Variants in ATG2B observed in about 807,000 individuals in gnomAD.
The protein encoded by ATG2B is autophagy-related protein 2 homolog B.
Under a neutral mutation model 241.3 loss-of-function variants are expected in ATG2B, and 121 were observed. The observed-to-expected ratio is 0.50, with a 90% CI of 0.43 to 0.58. The LOEUF (loss-of-function observed/expected upper bound fraction) is 0.58. Among genes scored for constraint, ATG2B ranks in the 20% least tolerant of loss-of-function variants. The pLI is 0.00. For missense variants in ATG2B, 2,306 were observed against 2,491.6 expected (o/e 0.93, Z 1.59); for synonymous variants, 858 against 876.6 (o/e 0.98, Z 0.37).
Position 96,295,120 on chromosome 14 carries a change from A to G in ATG2B, c.5266T>C (p.Leu1756=), listed in dbSNP as rs748293531. The change falls in exon 36 of 42, where the codon TTG becomes CTG. Residue 1756 remains leucine, a synonymous_variant. Transcript: ENST00000359933. ...AGATTTGGCTCCTTTGAGGTACTCAAATGCCTTGGCAAACTGCAGGTGACA... is the reference window on the plus strand; with the variant it reads ...AGATTTGGCTCCTTTGAGGTACTCAGATGCCTTGGCAAACTGCAGGTGACA... The part of the protein sequence containing the change: ...ADVTCSLPRH[L]STSKEPNLVI... 1 of 1,614,228 alleles carries G rather than the reference A, an allele frequency of 6.2e-7. No homozygotes were observed. The highest frequency in any genetic ancestry group is 8.5e-7 in the Non-Finnish European group (1 of 1,180,032).
intron 6 of ATG2B, among the ~76,000 whole-genome samples, chr14:96,340,150 T>TATATATATCATATATGATATATATATTC (rs1887990956): frequency 3.6e-5 from 2 of 55,906 alleles, no homozygotes; most frequent in African/African-American, 1.8e-4. Flanking sequence ...TATATATGAA[T>TATATATATCATATATGATATATATATTC]ATATATATCA....
intron 6 of ATG2B, among the ~76,000 whole-genome samples, chr14:96,337,460 A>G (rs1234628048): frequency 6.6e-6 from 1 of 152,202 alleles, no homozygotes; most frequent in Non-Finnish European, 1.5e-5. Flanking sequence ...AAGCTATGAG[A>G]AGGAGAACCC....
At chr14:96,322,515 C>T (rs949332126) in intron 17 of ATG2B, 25 bp downstream of exon 17, 3 of 1,588,572 alleles carry the variant, frequency 1.9e-6, no homozygotes, top group Non-Finnish European at 2.6e-6. Flanking sequence ...AGTATTATTC[C>T]TTTGTAGCTT....
chr14:96,332,697 C>A, intron 8 of ATG2B, 42 bp from the exon 9 acceptor site: 1 of 1,453,658 alleles, frequency 6.9e-7, no homozygotes, highest in Non-Finnish European at 9.2e-7. Flanking sequence ...ATAATCCCAC[C>A]AATTCAAGTC....
rs2139919625 is a variant in ATG2B at position 96,363,195 on chromosome 14, C to T, written c.-219G>A. 1.8e-6 allele frequency: 1 copy of T among 546,740 alleles called. No homozygotes were observed. Among genetic ancestry groups the T allele is most frequent in the African/African-American group, 2.0e-5 (1 of 50,878 alleles). 33.9% of individuals were successfully genotyped at this position (546,740 alleles called of 1,614,324 possible). On this transcript the variant is annotated 5_prime_UTR_variant, in exon 1 of 42. Coordinates refer to ENST00000359933, the MANE Select transcript of ATG2B (RefSeq NM_018036.7). ...AGACGCAGAGGGGTCCTCCTGGCCC[C>T]AGGCCAGGGGACTTCCGAGGAGGGT... is the stretch of plus-strand genomic sequence containing the variant.
Position 96,363,095 on chromosome 14 carries a change from T to C in ATG2B, c.-119A>G. 8.5e-7 allele frequency: 1 copy of C among 1,181,850 alleles called. No homozygotes were observed. Among genetic ancestry groups the C allele is most frequent in the Non-Finnish European group, 1.2e-6 (1 of 811,200 alleles). The allele number at this position is 1,181,850 out of a possible 1,614,324, so 73.2% of individuals were successfully genotyped here. ...AAGCCTGGGGCGGCCCCTCCATCCC[T>C]ATTTGGTGCCGGGAGTCCCTCAGGG... On this transcript the variant is annotated 5_prime_UTR_variant, in exon 1 of 42. In the 5' UTR this introduces an upstream ATG that the reference lacks. Coordinates refer to ENST00000359933, the MANE Select transcript of ATG2B (RefSeq NM_018036.7).
At chr14:96,311,025 T>C in intron 28 of ATG2B, 92 bp downstream of exon 28, 3 of 1,180,740 alleles carry the variant, frequency 2.5e-6, no homozygotes, top group South Asian at 4.7e-5. Context: ...TTTCAAAGTT[T>C]CTTTTCTACC....
intron 8 of ATG2B, 95 bp downstream of exon 8, chr14:96,333,593 A>G: frequency 1.7e-6 from 2 of 1,159,092 alleles, no homozygotes; most frequent in Non-Finnish European, 2.4e-6. Context: ...TTGTTCTTTC[A>G]TTCCTAAACT....
At position 96,284,033 on chromosome 14, in the gene ATG2B, G is replaced by A. The variant is rs1252211756; in HGVS notation, c.*1722C>T. 1 of 152,234 alleles carries A rather than the reference G, an allele frequency of 6.6e-6. No homozygotes were observed. The highest frequency in any genetic ancestry group is 1.5e-5 in the Non-Finnish European group (1 of 68,044). The allele number at this position is 152,234 out of a possible 1,614,324, so 9.4% of individuals were successfully genotyped here. A position where few individuals can be genotyped will look rare whatever the true frequency, so the allele number is the denominator to read the frequency against. On this transcript the variant is annotated 3_prime_UTR_variant, in exon 42 of 42. Coordinates refer to ENST00000359933, the MANE Select transcript of ATG2B (RefSeq NM_018036.7). ...GGAAAGTATATTTAAAAGTTAGACA[G>A]ATTTTACAATTTTAAGTTTGATCAA...
intron 27 of ATG2B, 75 bp from the exon 28 acceptor site, chr14:96,311,362 C>A (rs1311089180): frequency 7.2e-7 from 1 of 1,388,394 alleles, no homozygotes. Flanking sequence ...CATAGATTTA[C>A]ATTAAATAAG....
chr14:96,311,499 T>A (rs914639394), intron 27 of ATG2B, 43 bp downstream of exon 27: 7 of 1,494,464 alleles, frequency 4.7e-6, no homozygotes, highest in African/African-American at 1.4e-5. Context: ...TTTAATCTCT[T>A]AAAAAATAGA....
rs772238901 is a variant in ATG2B at position 96,341,560 on chromosome 14, G to A, written c.886C>T (p.Leu296Phe). The change falls in exon 6 of 42, where the codon CTC becomes TTC. Residue 296 changes from leucine (L) to phenylalanine (F), a missense_variant. By Grantham distance (22) the Leu-to-Phe change is conservative. Coordinates refer to ENST00000359933, the MANE Select transcript of ATG2B (RefSeq NM_018036.7). The part of the protein sequence containing the change: ...GRLIGRLELS[L>F]TLKQNEVLPG... ...AGCACTTCATTCTGTTTCAACGTGAGACTCAACTCCAACCTACCAATTAAC... is the reference window on the plus strand; with the variant it reads ...AGCACTTCATTCTGTTTCAACGTGAAACTCAACTCCAACCTACCAATTAAC... The A allele has an allele frequency of 1.2e-6, 2 of 1,601,664 alleles. No individual in the cohort carries two copies. Among genetic ancestry groups the A allele is most frequent in the African/African-American group, 1.3e-5 (1 of 74,590 alleles).
At chr14:96,313,528 C>A in intron 23 of ATG2B, 93 bp from the exon 24 acceptor site, 2 of 515,764 alleles carry the variant, frequency 3.9e-6, no homozygotes, top group Non-Finnish European at 6.7e-6. Context: ...GAATATCTCA[C>A]AGAAAAAATC....
intron 4 of ATG2B, 88 bp downstream of exon 4, chr14:96,344,566 T>A (rs1461008316): frequency 5.3e-6 from 3 of 568,300 alleles, no homozygotes; most frequent in Non-Finnish European, 6.1e-6. Context: ...TATTTTCATA[T>A]CATTAGCTCT....
intron 30 of ATG2B, 61 bp from the exon 31 acceptor site, chr14:96,305,876 T>G: frequency 7.6e-7 from 1 of 1,310,664 alleles, no homozygotes; most frequent in East Asian, 2.3e-5. Context: ...CTGATTATGC[T>G]GCACATCTCA....
chr14:96,359,271 G>A (rs1888561302), intron 1 of ATG2B, among the ~76,000 whole-genome samples: 1 of 152,020 alleles, frequency 6.6e-6, no homozygotes, highest in Non-Finnish European at 1.5e-5. Context: ...ACTGCAGGGA[G>A]GGGAGGAGAG....
Position 96,311,587 on chromosome 14 carries a change from C to T in ATG2B, c.3945G>A (p.Leu1315=), listed in dbSNP as rs774558787. The change falls in exon 27 of 42, where the codon TTG becomes TTA. Residue 1315 remains leucine (L), a synonymous_variant. Coordinates refer to ENST00000359933, the MANE Select transcript of ATG2B (RefSeq NM_018036.7). ...DYVRVMDMGL[L]ELTITAVKSD... ...ACTTCACTGCAGTTATGGTTAACTCCAAAAGCCCCATATCCATCACACGAA... is the reference window on the plus strand; with the variant it reads ...ACTTCACTGCAGTTATGGTTAACTCTAAAAGCCCCATATCCATCACACGAA... The T allele has an allele frequency of 6.2e-7, 1 of 1,609,524 alleles. No individual in the cohort carries two copies. Among genetic ancestry groups the T allele is most frequent in the Non-Finnish European group, 8.5e-7 (1 of 1,177,092 alleles).
At chr14:96,312,027 AAATT>A in intron 26 of ATG2B, 58 bp downstream of exon 26, 1 of 1,265,528 alleles carries the variant, frequency 7.9e-7, no homozygotes, top group Middle Eastern at 2.0e-4. Context: ...AAATGCTTTA[AAATT>A]ATTTACGCAC....
Position 96,328,687 on chromosome 14 carries a change from T to C in ATG2B, c.1961A>G (p.Asn654Ser). The change falls in exon 13 of 42, where the codon AAT becomes AGT. Residue 654 changes from asparagine to serine, a missense_variant. Physicochemically the swap from Asn to Ser is conservative, Grantham distance 46. This residue lies in a region of ATG2B where 1,927 missense variants were observed against 2,011.2 expected (regional missense o/e 0.96). Coordinates refer to ENST00000359933, the MANE Select transcript of ATG2B (RefSeq NM_018036.7). The part of the protein sequence containing the change: ...CLQLHYKHSE[N>S]RGPQGNQARL... ...AAGATCTCTTACCTGGGGCCCTCTA[T>C]TCTCAGAATGCTTATAATGAAGCTG... 6.2e-7 allele frequency: 1 copy of C among 1,606,382 alleles called. No individual in the cohort carries two copies. Among genetic ancestry groups the C allele is most frequent in the Non-Finnish European group, 8.5e-7 (1 of 1,177,030 alleles).
Sources: allele counts gnomAD v4.1 joint callset (sites outside exome capture counted in the v4.1 genomes callset), GRCh38; gene constraint gnomAD v4.1.1; regional missense constraint gnomAD v4.1.1; transcripts MANE v1.5; gene names NCBI Gene and HGNC (gene_info 2026-07-23, HGNC 2026-07-21).